TBX2: variants seen among roughly 807,000 people sequenced by gnomAD.
TBX2 encodes the protein T-box transcription factor 2.
Under a neutral mutation model 48.4 loss-of-function variants are expected in TBX2, and 19 were observed. The observed-to-expected ratio is 0.39, with a 90% CI of 0.27 to 0.58. The LOEUF (loss-of-function observed/expected upper bound fraction) is 0.58. Ranked by LOEUF, TBX2 falls within the 20% of genes least tolerant of loss-of-function variation. The pLI, the probability that TBX2 is intolerant of heterozygous loss-of-function variation, is 0.54. For synonymous variants in TBX2, 522 were observed against 459.7 expected, an observed-to-expected ratio of 1.14 and a Z score of -1.73; for missense variants, 994 against 1,006.5, an observed-to-expected ratio of 0.99 and a Z score of 0.17.
In TBX2 at chr17:61,403,674, A is replaced by C. The variant is rs1417892203; in HGVS notation, c.810+467A>C. 6.8e-6 allele frequency among the ~76,000 whole-genome samples: 1 copy of C among 146,836 alleles called. No homozygotes were observed. Among genetic ancestry groups the C allele is most frequent in the Non-Finnish European group, 1.5e-5 (1 of 66,520 alleles). On this transcript the variant is annotated intron_variant, in intron 3 of 6. Coordinates refer to ENST00000240328, the MANE Select transcript of TBX2 (RefSeq NM_005994.4). The surrounding 1 kb of genome is among the most constrained non-coding windows in gnomAD (Gnocchi z 5.8). Reference sequence around the variant, plus strand: ...GACAGGTGACACAGCCCCCCAAAGCACTCCTGGCTACTGCTCTGGGTCAGT... The same window carrying C: ...GACAGGTGACACAGCCCCCCAAAGCCCTCCTGGCTACTGCTCTGGGTCAGT...
chr17:61,404,373 C>A (rs1293622668), intron 3 of TBX2, 48 bp from the exon 4 acceptor site: 1 of 1,553,796 alleles, frequency 6.4e-7, no homozygotes, highest in East Asian at 2.4e-5. Context: ...ACCGACCACG[C>A]TGGAAGAGCC....
At position 61,400,991 on chromosome 17, in the gene TBX2, T is replaced by C. The variant is rs2060261885; in HGVS notation, c.395+420T>C. On this transcript the variant is annotated intron_variant, in intron 1 of 6. Transcript: ENST00000240328. This position sits in a 1 kb window ranked among gnomAD's most constrained non-coding sequence, Gnocchi z 9.2. ...CGACCCCGAAGCCCCTAGTGGGACC[T>C]GGGCCCAGCTAACCCCACGCTGGTT... is the stretch of plus-strand genomic sequence containing the variant. 6.6e-6 allele frequency among the ~76,000 whole-genome samples: 1 copy of C among 152,124 alleles called. No homozygotes were observed. Among genetic ancestry groups the C allele is most frequent in the Non-Finnish European group, 1.5e-5 (1 of 68,026 alleles).
rs1477316009 is a variant in TBX2 at position 61,405,480 on chromosome 17, G to A, written c.1330G>A (p.Glu444Lys). The A allele has an allele frequency of 1.9e-6, 3 of 1,579,716 alleles. No individual in the cohort carries two copies. The highest frequency in any genetic ancestry group is 2.6e-6 in the Non-Finnish European group (3 of 1,166,012). The change falls in exon 6 of 7, where the codon GAG becomes AAG. Residue 444 changes from glutamate to lysine, a missense_variant. Glu to Lys is a moderately conservative substitution (Grantham distance 56, BLOSUM62 1). Transcript: ENST00000240328. Reference protein sequence around the residue: ...EGRKEAAEGKEQGLAPLVVQT... With the variant: ...EGRKEAAEGKKQGLAPLVVQT... ...GCGCAAGGAGGCGGCCGAGGGCAAGGAGCAGGGCCTGGCGCCGCTGGTGGT... is the reference window on the plus strand; with the variant it reads ...GCGCAAGGAGGCGGCCGAGGGCAAGAAGCAGGGCCTGGCGCCGCTGGTGGT...
chr17:61,408,170 A>C lies in TBX2; in HGVS notation c.1803A>C (p.Ala601=), dbSNP rs775427035. 6.2e-6 allele frequency: 10 copies of C among 1,612,420 alleles called. No homozygotes were observed. Among genetic ancestry groups the C allele is most frequent in the South Asian group, 4.4e-5 (4 of 91,036 alleles). Residue 601 remains alanine (A), a synonymous_variant, in exon 7 of 7, where the codon GCA becomes GCC. Transcript: ENST00000240328. Reference sequence around the variant, plus strand: ...CTAGTGCTGCAGCTGCCGCCGCCGCAGCCGCCGGCTCCCTCTCCCGGAGCC... The same window carrying C: ...CTAGTGCTGCAGCTGCCGCCGCCGCCGCCGCCGGCTCCCTCTCCCGGAGCC... ...PATSAAAAAA[A]AAGSLSRSPF...
chr17:61,408,620 C>A lies in TBX2; in HGVS notation c.*114C>A. ...TATTTAAATAAAGGAGAAAAGTGGG[C>A]TGCAGCAGCCGGAATAGAGCCTCGT... On this transcript the variant is annotated 3_prime_UTR_variant, in exon 7 of 7. Transcript: ENST00000240328. 1 of 1,071,692 alleles carries A rather than the reference C, an allele frequency of 9.3e-7. No individual in the cohort carries two copies. The highest frequency in any genetic ancestry group is 1.2e-6 in the Non-Finnish European group (1 of 811,864). The allele number at this position is 1,071,692 out of a possible 1,614,324, so 66.4% of individuals were successfully genotyped here.
chr17:61,404,543 C>T, intron 4 of TBX2, 46 bp downstream of exon 4: 1 of 1,588,828 alleles, frequency 6.3e-7, no homozygotes, highest in Non-Finnish European at 8.6e-7. Flanking sequence ...CCCGCGGGAG[C>T]AGCGAGCAGG....
In TBX2 at chr17:61,404,813, G is replaced by A; in HGVS notation, c.1051+44G>A. On this transcript the variant is annotated intron_variant, in intron 5 of 6. Transcript: ENST00000240328. ...GAGGGACAGGGAGGTGGCGGCGGGG[G>A]GTCCTCAGGTCGCTGGGCTGGTCTT... 2.6e-6 allele frequency: 4 copies of A among 1,534,240 alleles called. No homozygotes were observed. The South Asian group carries it at 3.6e-5, about 14-fold the overall frequency.
chr17:61,400,335 C>T lies in TBX2; in HGVS notation c.159C>T (p.Pro53=), dbSNP rs1175383299. 8 of 998,710 alleles carry T rather than the reference C, an allele frequency of 8.0e-6. No homozygotes were observed. The highest frequency in any genetic ancestry group is 9.5e-6 in the Non-Finnish European group (8 of 840,794). The allele number at this position is 998,710 out of a possible 1,614,324, so 61.9% of individuals were successfully genotyped here. A position where few individuals can be genotyped will look rare whatever the true frequency, so the allele number is the denominator to read the frequency against. The change falls in exon 1 of 7, where the codon CCC becomes CCT. Residue 53 remains proline (P), a synonymous_variant. Transcript: ENST00000240328. This position sits in a 1 kb window ranked among gnomAD's most constrained non-coding sequence, Gnocchi z 9.2. ...LPPGALAKPL[P]DPGLAGAAAA... ...CCGGCGCGCTGGCCAAGCCGCTGCC[C>T]GACCCGGGCCTGGCGGGGGCGGCGG...
rs1465619424 is a variant in TBX2, at chr17:61,404,758, A to C, written c.1040A>C (p.His347Pro). The change falls in exon 5 of 7, where the codon CAC becomes CCC. Residue 347 changes from histidine (H) to proline (P), a missense_variant. By Grantham distance (77) the His-to-Pro change is moderately conservative. This residue lies in a region of TBX2 where 639 missense variants were observed against 613.2 expected (regional missense o/e 1.04). Coordinates refer to ENST00000240328, the MANE Select transcript of TBX2 (RefSeq NM_005994.4). ...PGAAPSPLRL[H>P]RARAEEKSCA... is the part of the protein sequence containing the mutation. ...GCAGCGCCCAGTCCGCTGCGCCTGC[A>C]CCGGGCCCGAGGTGAGGGTCGGACC... 1 of 1,546,906 alleles carries C rather than the reference A, an allele frequency of 6.5e-7. No homozygotes were observed. The highest frequency in any genetic ancestry group is 8.7e-7 in the Non-Finnish European group (1 of 1,149,172).
In TBX2 at chr17:61,408,393, T is replaced by C; in HGVS notation, c.2026T>C (p.Ser676Pro). The C allele has an allele frequency of 6.4e-7, 1 of 1,558,154 alleles. No homozygotes were observed. Among genetic ancestry groups the C allele is most frequent in the Non-Finnish European group, 8.7e-7 (1 of 1,152,018 alleles). Residue 676 changes from serine to proline, a missense_variant, in exon 7 of 7, where the codon TCG becomes CCG. Transcript: ENST00000240328. ...AGGGGCCCCATCCCGCGGTGCCCTG[T>C]CGCCCAGTGGCTCGGCCAAGGAGGC... Reference protein sequence around the residue: ...KVGAPSRGALSPSGSAKEAAN... With the variant: ...KVGAPSRGALPPSGSAKEAAN...
rs1181111758 is a variant in TBX2 at position 61,403,369 on chromosome 17, C to T, written c.810+162C>T. Reference sequence around the variant, plus strand: ...CTCGCATCCATACGCGCAGCACTCACGGAAGTCCTCAAGGCGCCCTCTCAA... The same window carrying T: ...CTCGCATCCATACGCGCAGCACTCATGGAAGTCCTCAAGGCGCCCTCTCAA... On this transcript the variant is annotated intron_variant, in intron 3 of 6. Transcript: ENST00000240328. This position sits in a 1 kb window ranked among gnomAD's most constrained non-coding sequence, Gnocchi z 5.8. Among the ~76,000 whole-genome samples, 2 of 152,254 alleles carry T rather than the reference C, an allele frequency of 1.3e-5. No homozygotes were observed. Among genetic ancestry groups the T allele is most frequent in the African/African-American group, 4.8e-5 (2 of 41,482 alleles).
intron 6 of TBX2, 115 bp from the exon 7 acceptor site, chr17:61,407,939 G>C: frequency 1.5e-6 from 2 of 1,313,532 alleles, no homozygotes; most frequent in South Asian, 2.9e-5. Context: ...TATGCGAATT[G>C]TGGTTTTACA....
In TBX2 at chr17:61,405,288, C is replaced by G. The variant is rs1381926323; in HGVS notation, c.1138C>G (p.Pro380Ala). 1.9e-6 allele frequency: 3 copies of G among 1,562,730 alleles called. No individual in the cohort carries two copies. The highest frequency in any genetic ancestry group is 1.8e-5 in the Admixed American group (1 of 54,764). ...ERAGAPLGRS[P>A]APDSASPTRL... ...TGCGGGGGCGCCGCTAGGCCGCAGC[C>G]CGGCTCCAGACAGCGCCAGCCCCAC... Residue 380 changes from proline to alanine, a missense_variant, in exon 6 of 7, where the codon CCG (proline) becomes GCG (alanine). Pro to Ala is a conservative substitution (Grantham distance 27, BLOSUM62 -1). Coordinates refer to ENST00000240328, the MANE Select transcript of TBX2 (RefSeq NM_005994.4).
At chr17:61,405,924 AG>A (rs1476988756) in intron 6 of TBX2, 88 bp downstream of exon 6, 2 of 1,217,956 alleles carry the variant, frequency 1.6e-6, no homozygotes, top group African/African-American at 3.1e-5. Context: ...GAGGGGTGCC[AG>A]GGTCGCTGGG....
chr17:61,407,879 G>T, intron 6 of TBX2, 175 bp from the exon 7 acceptor site: 1 of 753,420 alleles, frequency 1.3e-6, no homozygotes, highest in Non-Finnish European at 2.1e-6. Flanking sequence ...AACTGGGTTT[G>T]GCCACAGGCA....
chr17:61,400,708 G>T lies in TBX2; in HGVS notation c.395+137G>T. ...GGTTCTGGCCCTGACGCCACGCTTC[G>T]CTCCCACGGACAACCAAGTTGACTT... On this transcript the variant is annotated intron_variant, in intron 1 of 6. Transcript: ENST00000240328. This position sits in a 1 kb window ranked among gnomAD's most constrained non-coding sequence, Gnocchi z 9.2. The T allele has an allele frequency of 1.1e-6, 1 of 899,898 alleles. No homozygotes were observed. The highest frequency in any genetic ancestry group is 1.6e-6 in the Non-Finnish European group (1 of 617,680). The allele number at this position is 899,898 out of a possible 1,614,324, so 55.7% of individuals were successfully genotyped here.
rs899483485 is a variant in TBX2 at position 61,406,214 on chromosome 17, T to G, written c.1686+378T>G. 12 of 204,630 alleles carry G rather than the reference T, an allele frequency of 5.9e-5. No individual in the cohort carries two copies. The highest frequency in any genetic ancestry group is 9.7e-5 in the Non-Finnish European group (10 of 102,764). 12.7% of individuals were successfully genotyped at this position (204,630 alleles called of 1,614,324 possible). ...GTCTTCTCTCCTGGCCTCAGGACAT[T>G]TTTCTTGAGAACAAAGACCCTTGGC... On this transcript the variant is annotated intron_variant, in intron 6 of 6. Transcript: ENST00000240328. This position sits in a 1 kb window ranked among gnomAD's most constrained non-coding sequence, Gnocchi z 5.7.
At chr17:61,407,006 C>T (rs1332214296) in intron 6 of TBX2, 1 of 152,186 alleles carries the variant, frequency 6.6e-6, no homozygotes, top group Non-Finnish European at 1.5e-5. Context: ...TAGACACAGC[C>T]TGGCCAACAG....
chr17:61,400,059 G>A lies in TBX2; in HGVS notation c.-118G>A, dbSNP rs2060256863. Reference sequence around the variant, plus strand: ...GGACGGGAAGCCCCGAGGAGCAGCTGCTGCGCCCGCCACCCGGGTCGTCCG... The same window carrying A: ...GGACGGGAAGCCCCGAGGAGCAGCTACTGCGCCCGCCACCCGGGTCGTCCG... On this transcript the variant is annotated 5_prime_UTR_variant, in exon 1 of 7. Transcript: ENST00000240328. This position sits in a 1 kb window ranked among gnomAD's most constrained non-coding sequence, Gnocchi z 9.2. 1.0e-5 allele frequency: 4 copies of A among 401,914 alleles called. No homozygotes were observed. The highest frequency in any genetic ancestry group is 1.3e-5 in the Non-Finnish European group (4 of 298,188). The allele number at this position is 401,914 out of a possible 1,614,324, so 24.9% of individuals were successfully genotyped here. A position where few individuals can be genotyped will look rare whatever the true frequency, so the allele number is the denominator to read the frequency against.
Sources: allele counts gnomAD v4.1 joint callset (sites outside exome capture counted in the v4.1 genomes callset), GRCh38; gene constraint gnomAD v4.1.1; regional missense constraint gnomAD v4.1.1; non-coding constraint Gnocchi (gnomAD v3.1); transcripts MANE v1.5; gene names NCBI Gene and HGNC (gene_info 2026-07-23, HGNC 2026-07-21).